Variants in CNPY1 observed in about 807,000 individuals in gnomAD.
CNPY1 encodes the protein protein canopy homolog 1.
CNPY1 carries 14 observed loss-of-function variants against 14.4 expected under a neutral mutation model. That is an observed-to-expected ratio of 0.97 (90% CI 0.64 to 1.52). The LOEUF is 1.52. Ranked by LOEUF, CNPY1 falls within the 40% of genes most tolerant of loss-of-function variation. CNPY1 has a pLI of 0.00. For missense variants in CNPY1, 129 were observed against 131.5 expected, an observed-to-expected ratio of 0.98 and a Z score of 0.09; for synonymous variants, 43 against 46.5, an observed-to-expected ratio of 0.92 and a Z score of 0.31.
intron 2 of CNPY1, among the ~76,000 whole-genome samples, chr7:155,525,940 G>C (rs1176484535): frequency 6.6e-6 from 1 of 152,196 alleles, no homozygotes; most frequent in African/African-American, 2.4e-5. Flanking sequence ...ACATGACATA[G>C]CTATTATCAA....
chr7:155,512,263 A>C (rs1446664990), intron 2 of CNPY1, among the ~76,000 whole-genome samples: 1 of 152,200 alleles, frequency 6.6e-6, no homozygotes, highest in Non-Finnish European at 1.5e-5. Context: ...GCTTTTACAT[A>C]TGGACTTGTT....
chr7:155,512,235 G>A (rs906751761), intron 2 of CNPY1, among the ~76,000 whole-genome samples: 2 of 152,182 alleles, frequency 1.3e-5, no homozygotes, highest in African/African-American at 4.8e-5. Flanking sequence ...CACTGGCACA[G>A]TTTTCTTATC....
At chr7:155,530,049 C>T (rs569748370) in intron 2 of CNPY1, among the ~76,000 whole-genome samples, 7 of 152,242 alleles carry the variant, frequency 4.6e-5, no homozygotes, top group Middle Eastern at 3.4e-3. Flanking sequence ...TCCCAAATTA[C>T]GGCATTATAG....
intron 2 of CNPY1, among the ~76,000 whole-genome samples, chr7:155,542,970 G>A (rs1478253671): frequency 2.6e-5 from 4 of 151,874 alleles, no homozygotes; most frequent in Non-Finnish European, 4.4e-5. Context: ...GGTCCGCACA[G>A]TGCCGAGAGG....
intron 2 of CNPY1, chr7:155,518,538 T>C (rs1796663310): frequency 6.6e-6 from 1 of 152,150 alleles, no homozygotes; most frequent in Non-Finnish European, 1.5e-5. Flanking sequence ...TGCTGAATAT[T>C]GTGCATTCGA....
At chr7:155,543,917 T>C (rs1318747120) in intron 2 of CNPY1, among the ~76,000 whole-genome samples, 1 of 152,206 alleles carries the variant, frequency 6.6e-6, no homozygotes, top group African/African-American at 2.4e-5. Context: ...CTGCTTTCAG[T>C]TGCTTTGCAG....
chr7:155,506,766 T>C (rs1796325997), intron 4 of CNPY1: 2 of 415,446 alleles, frequency 4.8e-6, no homozygotes, highest in South Asian at 5.5e-5. Flanking sequence ...TAACTGGAAA[T>C]CAAGAATGTT....
chr7:155,533,308 C>T (rs1796972765), intron 2 of CNPY1, among the ~76,000 whole-genome samples: 1 of 152,204 alleles, frequency 6.6e-6, no homozygotes, highest in Non-Finnish European at 1.5e-5. Flanking sequence ...AGTGAGTCTG[C>T]TCGGATGTGC....
At position 155,512,602 on chromosome 7, in the gene CNPY1, G is replaced by A. The variant is rs530411842; in HGVS notation, c.100-3505C>T. On this transcript the variant is annotated intron_variant, in intron 2 of 4. Coordinates refer to ENST00000636446, the MANE Select transcript of CNPY1 (RefSeq NM_001393663.1). ...ACCTCTATGATAACACTTTAATAAC[G>A]GCCAATTACAGCATGCCTCCATGTT... 3.3e-5 allele frequency among the ~76,000 whole-genome samples: 5 copies of A among 152,246 alleles called. No homozygotes were observed. In the South Asian group the frequency reaches 8.3e-4, roughly 25 times the overall value.
intron 2 of CNPY1, among the ~76,000 whole-genome samples, chr7:155,516,008 CGTGT>C (rs67625567): frequency 2.4e-4 from 37 of 151,428 alleles, no homozygotes; most frequent in African/African-American, 8.5e-4. Flanking sequence ...AACGTGCACG[CGTGT>C]GTGTGTCCCC....
At chr7:155,503,139 A>T in intron 4 of CNPY1, 34 bp from the exon 5 acceptor site, 1 of 1,544,746 alleles carries the variant, frequency 6.5e-7, no homozygotes, top group Middle Eastern at 1.7e-4. Flanking sequence ...TAGCATCATT[A>T]TCACTTTAGA....
At chr7:155,531,132 T>C (rs928960523) in intron 2 of CNPY1, among the ~76,000 whole-genome samples, 1 of 152,156 alleles carries the variant, frequency 6.6e-6, no homozygotes, top group African/African-American at 2.4e-5. Context: ...AATCTGACTG[T>C]CCCCAGACAC....
chr7:155,503,988 TGACTCCAA>T (rs1295517253), intron 4 of CNPY1, among the ~76,000 whole-genome samples: 2 of 152,230 alleles, frequency 1.3e-5, no homozygotes, highest in Non-Finnish European at 2.9e-5. Flanking sequence ...TTAATCATTT[TGACTCCAA>T]GACATCAAAA....
chr7:155,507,471 TAAAAAAAAAAAAAAAAA>T (rs35711313), intron 3 of CNPY1, among the ~76,000 whole-genome samples: 4 of 54,156 alleles, frequency 7.4e-5, no homozygotes, highest in Admixed American at 2.5e-4. Context: ...GTTTTTAAAC[TAAAAAAAAAAAAAAAAA>T]AAAAAAAAAA....
chr7:155,507,168 CTTTG>C (rs773761662), intron 3 of CNPY1, 52 bp from the exon 4 acceptor site: 9 of 1,152,736 alleles, frequency 7.8e-6, no homozygotes, highest in Non-Finnish European at 1.2e-5. Flanking sequence ...TGGCGGGGCA[CTTTG>C]TTAGGAAGGA....
chr7:155,545,813 T>C lies in CNPY1; in HGVS notation c.99+18A>G. 1 of 398,556 alleles carries C rather than the reference T, an allele frequency of 2.5e-6. No homozygotes were observed. The highest frequency in any genetic ancestry group is 4.4e-6 in the Non-Finnish European group (1 of 226,006). 24.7% of individuals were successfully genotyped at this position (398,556 alleles called of 1,614,324 possible). ...ATATCCGCAATTATACACTGGCACA[T>C]AATATCTTTTCCACTACCTTTCTCC... On this transcript the variant is annotated intron_variant, in intron 2 of 4. Transcript: ENST00000636446.
intron 3 of CNPY1, among the ~76,000 whole-genome samples, chr7:155,508,200 T>C (rs1436740824): frequency 6.6e-6 from 1 of 152,216 alleles, no homozygotes; most frequent in Non-Finnish European, 1.5e-5. Flanking sequence ...GTGAAAAATA[T>C]TGCAACGTAT....
chr7:155,541,624 C>A (rs773833599), intron 2 of CNPY1, among the ~76,000 whole-genome samples: 3 of 152,234 alleles, frequency 2.0e-5, no homozygotes, highest in Non-Finnish European at 4.4e-5. Flanking sequence ...GGCTTGGAGG[C>A]TCCCCAGAGC....
rs1563084875 is a variant in CNPY1 at position 155,503,108 on chromosome 7, GGAA to G, written c.401-6_401-4del. 9 of 1,515,008 alleles carry G rather than the reference GGAA, an allele frequency of 5.9e-6. No individual in the cohort carries two copies. The African/African-American group carries it at 1.9e-4, about 31-fold the overall frequency. 93.8% of individuals were successfully genotyped at this position (1,515,008 alleles called of 1,614,324 possible). On this transcript the variant is annotated splice_region_variant and splice_polypyrimidine_tract_variant and intron_variant, in intron 4 of 4. Transcript: ENST00000636446. Reference sequence around the variant, plus strand: ...ATTAGCAGAAGTTTCACACAGATCTGGAAAAAAAAAAAAAAGTAGATAGCATCA... The same window carrying G: ...ATTAGCAGAAGTTTCACACAGATCTGAAAAAAAAAAAAGTAGATAGCATCA...
Sources: gnomAD v4.1 joint callset for allele counts (sites outside exome capture counted in the v4.1 genomes callset) on GRCh38, gnomAD v4.1.1 for gene constraint, MANE v1.5 for transcripts, NCBI Gene and HGNC (gene_info 2026-07-23, HGNC 2026-07-21) for gene names.